KATNBL1: variants seen among roughly 807,000 people sequenced by gnomAD.
KATNBL1 encodes the protein KATNB1-like protein 1.
KATNBL1 carries 28 observed loss-of-function variants against 44.7 expected under a neutral mutation model. That is an observed-to-expected ratio of 0.63 (90% CI 0.46 to 0.86). The LOEUF (loss-of-function observed/expected upper bound fraction) is 0.86. Ranked by LOEUF, KATNBL1 falls within the 40% of genes least tolerant of loss-of-function variation. KATNBL1 has a pLI of 0.00. For missense variants in KATNBL1, 272 were observed against 350.7 expected (o/e 0.78, Z 1.79); for synonymous variants, 78 against 114.9 (o/e 0.68, Z 2.06).
At chr15:34,195,690 C>CAAAAAAAA (rs5811824) in intron 1 of KATNBL1, among the ~76,000 whole-genome samples, 4 of 111,442 alleles carry the variant, frequency 3.6e-5, no homozygotes, top group African/African-American at 1.5e-4. Context: ...GACGCCATCT[C>CAAAAAAAA]AAAAAAAAAA....
At chr15:34,188,798 T>A (rs74550976) in intron 1 of KATNBL1, among the ~76,000 whole-genome samples, 1 of 152,166 alleles carries the variant, frequency 6.6e-6, no homozygotes, top group Non-Finnish European at 1.5e-5. Flanking sequence ...GAGGCCTGCA[T>A]TCAAGAGTCC....
intron 1 of KATNBL1, among the ~76,000 whole-genome samples, chr15:34,205,821 A>G (rs1254788734): frequency 6.6e-6 from 1 of 152,234 alleles, no homozygotes; most frequent in Non-Finnish European, 1.5e-5. Context: ...AGTGGACCAA[A>G]CAAAAATCCC....
At chr15:34,186,482 C>A (rs931923745) in intron 1 of KATNBL1, among the ~76,000 whole-genome samples, 4 of 152,202 alleles carry the variant, frequency 2.6e-5, no homozygotes, top group Non-Finnish European at 5.9e-5. Context: ...GCAGCTGCAG[C>A]CACCTTACCT....
At chr15:34,147,041 C>T in intron 7 of KATNBL1, 159 bp downstream of exon 7, 1 of 641,838 alleles carries the variant, frequency 1.6e-6, no homozygotes. Context: ...TTATAATTGT[C>T]CTTTAGTCAT....
At chr15:34,144,122 G>C (rs1465482635) in intron 9 of KATNBL1, among the ~76,000 whole-genome samples, 1 of 151,082 alleles carries the variant, frequency 6.6e-6, no homozygotes, top group Non-Finnish European at 1.5e-5. Flanking sequence ...GCAATGGCCA[G>C]AGCTCCTCTG....
At chr15:34,158,365 T>C (rs933208296) in intron 2 of KATNBL1, among the ~76,000 whole-genome samples, 1 of 152,148 alleles carries the variant, frequency 6.6e-6, no homozygotes, top group Non-Finnish European at 1.5e-5. Flanking sequence ...TCTTTTTCAG[T>C]GGGAAAGAAG....
intron 1 of KATNBL1, among the ~76,000 whole-genome samples, chr15:34,191,669 T>C (rs1178856132): frequency 6.6e-6 from 1 of 152,040 alleles, no homozygotes; most frequent in East Asian, 1.9e-4. Flanking sequence ...CCATCCTGGC[T>C]GGGCGCAGTG....
intron 1 of KATNBL1, among the ~76,000 whole-genome samples, chr15:34,176,271 G>C (rs1357735224): frequency 6.6e-6 from 1 of 151,750 alleles, no homozygotes; most frequent in African/African-American, 2.4e-5. Context: ...CTAGCTACTT[G>C]GGAGGCTGAG....
chr15:34,149,073 A>G (rs1888392209), intron 4 of KATNBL1, among the ~76,000 whole-genome samples: 1 of 152,256 alleles, frequency 6.6e-6, no homozygotes, highest in Non-Finnish European at 1.5e-5. Flanking sequence ...AGTCATTACC[A>G]ACTGAATGGC....
chr15:34,159,944 G>A (rs187662562), intron 2 of KATNBL1, among the ~76,000 whole-genome samples: 14 of 152,262 alleles, frequency 9.2e-5, no homozygotes, highest in Non-Finnish European at 1.5e-4. Context: ...ACAAACTGAG[G>A]AGCGAGCTGC....
chr15:34,201,399 G>A (rs1890173465), intron 1 of KATNBL1, among the ~76,000 whole-genome samples: 1 of 152,190 alleles, frequency 6.6e-6, no homozygotes, highest in South Asian at 2.1e-4. Flanking sequence ...AGAAACTGGG[G>A]ACAAAAGTCA....
intron 5 of KATNBL1, chr15:34,148,386 G>A (rs1659688398): frequency 3.6e-6 from 1 of 280,316 alleles, no homozygotes; most frequent in African/African-American, 2.2e-5. Context: ...AGGAGTTCGA[G>A]ACCAGCCCGG....
intron 1 of KATNBL1, among the ~76,000 whole-genome samples, chr15:34,206,373 G>A (rs1890292202): frequency 1.3e-5 from 2 of 152,200 alleles, no homozygotes. Flanking sequence ...CCCTCATTAT[G>A]CTCCAAGAAC....
chr15:34,192,335 C>CAG (rs1253216540), intron 1 of KATNBL1, among the ~76,000 whole-genome samples: 1 of 149,454 alleles, frequency 6.7e-6, no homozygotes, highest in East Asian at 2.0e-4. Flanking sequence ...ACCCAGGAGG[C>CAG]AGAGGTTGCA....
intron 1 of KATNBL1, among the ~76,000 whole-genome samples, chr15:34,191,095 T>G (rs76103194): frequency 0.12 from 18,044 of 150,488 alleles, 1,201 homozygotes; most frequent in Non-Finnish European, 0.15. Flanking sequence ...CCCCAACCAC[T>G]TGAATGTATT....
intron 9 of KATNBL1, 113 bp from the exon 10 acceptor site, chr15:34,142,484 T>C: frequency 8.1e-7 from 1 of 1,229,152 alleles, no homozygotes; most frequent in East Asian, 2.6e-5. Flanking sequence ...TGTGACCTTT[T>C]GAGGGTAAAA....
intron 1 of KATNBL1, among the ~76,000 whole-genome samples, chr15:34,186,524 A>C (rs1272082304): frequency 6.6e-6 from 1 of 152,138 alleles, no homozygotes; most frequent in Non-Finnish European, 1.5e-5. Context: ...CTTCTCCAGG[A>C]AGCAGGCAGG....
At chr15:34,173,607 C>T (rs896042135) in intron 1 of KATNBL1, among the ~76,000 whole-genome samples, 1 of 151,968 alleles carries the variant, frequency 6.6e-6, no homozygotes, top group Non-Finnish European at 1.5e-5. Flanking sequence ...GAAGGTATTT[C>T]CCAGGATGAT....
chr15:34,156,030 A>G (rs1171822018), intron 2 of KATNBL1, among the ~76,000 whole-genome samples: 4 of 152,190 alleles, frequency 2.6e-5, no homozygotes, highest in Non-Finnish European at 5.9e-5. Context: ...GGGATAGCCA[A>G]CTGCACTAGG....
Sources: allele counts gnomAD v4.1 joint callset (sites outside exome capture counted in the v4.1 genomes callset), GRCh38; gene constraint gnomAD v4.1.1; transcripts MANE v1.5; gene names NCBI Gene and HGNC (gene_info 2026-07-23, HGNC 2026-07-21).